The following HIP1 variants were observed in gnomAD, a reference collection of about 807,000 sequenced individuals.
The protein encoded by HIP1 is huntingtin interacting protein 1, also known as huntingtin-interacting protein 1.
HIP1 carries 65 observed loss-of-function variants against 147.6 expected under a neutral mutation model. The ratio of observed to expected loss-of-function variants is 0.44; its 90% CI spans 0.36 to 0.54. The LOEUF is 0.54. Among genes scored for constraint, HIP1 ranks in the 20% least tolerant of loss-of-function variants. The probability of loss-of-function intolerance (pLI) is 0.00; values close to 1 mark genes in which losing one functional copy is unlikely to be tolerated. For synonymous variants in HIP1, 479 were observed against 504.0 expected, an observed-to-expected ratio of 0.95 and a Z score of 0.67; for missense variants, 1,061 against 1,299.6, an observed-to-expected ratio of 0.82 and a Z score of 2.82.
intron 1 of HIP1, among the ~76,000 whole-genome samples, chr7:75,635,577 C>CAA (rs144914669): frequency 0.04 from 2,801 of 69,722 alleles, 78 homozygotes; most frequent in East Asian, 0.2. Context: ...GACTCCATCT[C>CAA]AAAAAAAAAA....
intron 1 of HIP1, among the ~76,000 whole-genome samples, chr7:75,685,697 C>T (rs925120297): frequency 2.1e-4 from 32 of 151,684 alleles, no homozygotes; most frequent in African/African-American, 5.6e-4. Context: ...TACAGGCACC[C>T]GCCACCACGC....
At chr7:75,608,688 C>T (rs1259518564) in intron 1 of HIP1, among the ~76,000 whole-genome samples, 1 of 152,192 alleles carries the variant, frequency 6.6e-6, no homozygotes, top group Non-Finnish European at 1.5e-5. Flanking sequence ...TCTGGATGAA[C>T]TTAAAGCTGT....
chr7:75,650,119 G>A (rs1554511743), intron 1 of HIP1, among the ~76,000 whole-genome samples: 1 of 152,136 alleles, frequency 6.6e-6, no homozygotes, highest in East Asian at 1.9e-4. Context: ...TAGCTGGCGG[G>A]TTCTGGGAAG....
At chr7:75,635,523 A>G (rs587742717) in intron 1 of HIP1, among the ~76,000 whole-genome samples, 2 of 145,622 alleles carry the variant, frequency 1.4e-5, no homozygotes, top group East Asian at 2.1e-4. Flanking sequence ...GGCGGTGGTG[A>G]GCCGAGATCG....
intron 1 of HIP1, among the ~76,000 whole-genome samples, chr7:75,681,295 T>C (rs1800058059): frequency 6.6e-6 from 1 of 152,126 alleles, no homozygotes; most frequent in African/African-American, 2.4e-5. Context: ...GCAGGCGCTC[T>C]GCACTGTTCC....
rs1032812232 is a variant in HIP1, at chr7:75,711,068, T to C, written c.120+27733A>G. 4.6e-5 allele frequency among the ~76,000 whole-genome samples: 7 copies of C among 152,186 alleles called. No homozygotes were observed. In the East Asian group the frequency reaches 9.6e-4, roughly 21 times the overall value. On this transcript the variant is annotated intron_variant, in intron 1 of 30. Transcript: ENST00000336926. ...GAACTGCACACTATCTGTGGCAATA[T>C]TGTGCTCCCAAAAGTCCAGAATTTC...
At chr7:75,591,987 T>C in intron 4 of HIP1, 69 bp downstream of exon 4, 1 of 1,232,126 alleles carries the variant, frequency 8.1e-7, no homozygotes, top group African/African-American at 1.5e-5. Context: ...CACCCTCCAG[T>C]CCTTGCTCTG....
intron 1 of HIP1, among the ~76,000 whole-genome samples, chr7:75,703,460 A>G (rs2117331811): frequency 6.6e-6 from 1 of 152,298 alleles, no homozygotes. Flanking sequence ...CCTGACTAAC[A>G]TGGAGAAACC....
chr7:75,646,734 G>C (rs577471065), intron 1 of HIP1, among the ~76,000 whole-genome samples: 4 of 152,228 alleles, frequency 2.6e-5, no homozygotes, highest in African/African-American at 4.8e-5. Context: ...GAGGCCATCT[G>C]CTGGGATATG....
intron 1 of HIP1, among the ~76,000 whole-genome samples, chr7:75,657,895 T>TACAC (rs140409882): frequency 6.6e-6 from 1 of 151,414 alleles, no homozygotes; most frequent in East Asian, 1.9e-4. Context: ...AGAATTTAAA[T>TACAC]ACACACACAC....
chr7:75,723,039 G>A (rs1433357577), intron 1 of HIP1, among the ~76,000 whole-genome samples: 5 of 152,170 alleles, frequency 3.3e-5, no homozygotes, highest in Admixed American at 6.6e-5. Flanking sequence ...CCTGAAGCAG[G>A]AGTTACCTGT....
Position 75,663,980 on chromosome 7 carries a change from ATG to A in HIP1, c.121-64735_121-64734del, listed in dbSNP as rs1269195973. Among the ~76,000 whole-genome samples, 4 of 13,426 alleles carry A rather than the reference ATG, an allele frequency of 3.0e-4. 2 individuals are homozygous for A. The highest frequency in any genetic ancestry group is 9.0e-4 in the African/African-American group (2 of 2,216). The allele number at this position is 13,426 out of a possible 152,430, so 8.8% of individuals were successfully genotyped here. On this transcript the variant is annotated intron_variant, in intron 1 of 30. Transcript: ENST00000336926. ...TATGTGTATATATATATACACATAT[ATG>A]TGTATATATATACACATATATGTGT...
Position 75,676,750 on chromosome 7 carries a change from T to C in HIP1, c.120+62051A>G, listed in dbSNP as rs1196864834. On this transcript the variant is annotated intron_variant, in intron 1 of 30. Transcript: ENST00000336926. ...GAGATCGTGCCATTGCACTCCAGCCTGGGCAAAAAGAATGAAACTCCATCT... is the reference window on the plus strand; with the variant it reads ...GAGATCGTGCCATTGCACTCCAGCCCGGGCAAAAAGAATGAAACTCCATCT... Among the ~76,000 whole-genome samples, 4 of 147,214 alleles carry C rather than the reference T, an allele frequency of 2.7e-5. No individual in the cohort carries two copies. The East Asian group carries it at 8.0e-4, about 30-fold the overall frequency.
chr7:75,689,373 G>T (rs782238533), intron 1 of HIP1, among the ~76,000 whole-genome samples: 76 of 152,082 alleles, frequency 5.0e-4, no homozygotes, highest in Non-Finnish European at 5.9e-4. Flanking sequence ...GGGTATGGGA[G>T]TGCGTCTGTA....
rs781848274 is a variant in HIP1 at position 75,636,163 on chromosome 7, G to A, written c.121-36916C>T. 2.5e-4 allele frequency among the ~76,000 whole-genome samples: 38 copies of A among 151,572 alleles called. 1 individual carries two copies. Among genetic ancestry groups the A allele is most frequent in the Non-Finnish European group, 1.9e-4 (13 of 67,944 alleles). On this transcript the variant is annotated intron_variant, in intron 1 of 30. Coordinates refer to ENST00000336926, the MANE Select transcript of HIP1 (RefSeq NM_005338.7). ...TTGAGACCAGCCTGGCCAACATGGT[G>A]AAACTCTGTCTCTACTAAAAATACA...
At chr7:75,726,726 CAG>C (rs1413011177) in intron 1 of HIP1, among the ~76,000 whole-genome samples, 1 of 138,518 alleles carries the variant, frequency 7.2e-6, no homozygotes, top group Non-Finnish European at 1.5e-5. Context: ...TTTTGGTAGA[CAG>C]AGTCTCGCTC....
intron 1 of HIP1, among the ~76,000 whole-genome samples, chr7:75,717,676 C>CAAAAAAAAAAAAAAAAAAAAA (rs55982331): frequency 2.5e-5 from 3 of 117,720 alleles, no homozygotes; most frequent in Non-Finnish European, 1.7e-5. Context: ...ACTAAAAATA[C>CAAAAAAAAAAAAAAAAAAAAA]AAAAAAAAAA....
rs1584927025 is a variant in HIP1, at chr7:75,659,236, C to T, written c.121-59989G>A. On this transcript the variant is annotated intron_variant, in intron 1 of 30. Coordinates refer to ENST00000336926, the MANE Select transcript of HIP1 (RefSeq NM_005338.7). The stretch of plus-strand genomic sequence containing the variant: ...TCACTAGGTGTCCTAGCATCCCCCA[C>T]GCTGGTGCCTATAAGACTCCCCTTC... Among the ~76,000 whole-genome samples the T allele has an allele frequency of 3.9e-5, 6 of 152,336 alleles. 1 individual carries two copies. The highest frequency in any genetic ancestry group is 2.4e-5 in the African/African-American group (1 of 41,586).
At chr7:75,596,318 A>T (rs1219341582) in intron 2 of HIP1, among the ~76,000 whole-genome samples, 1 of 151,798 alleles carries the variant, frequency 6.6e-6, no homozygotes, top group South Asian at 2.1e-4. Context: ...ATTTTTCAAC[A>T]TTTATTCACC....
Sources: gnomAD v4.1 joint callset for allele counts (sites outside exome capture counted in the v4.1 genomes callset) on GRCh38, gnomAD v4.1.1 for gene constraint, MANE v1.5 for transcripts, NCBI Gene and HGNC (gene_info 2026-07-23, HGNC 2026-07-21) for gene names.